PEMT: variants seen among roughly 807,000 people sequenced by gnomAD.
The protein encoded by PEMT is phosphatidylethanolamine N-methyltransferase, also known as phospholipid methyltransferase.
In PEMT, 23 loss-of-function variants were observed where a neutral mutation model predicts 27.4. That is an observed-to-expected ratio of 0.84 (90% CI 0.60 to 1.19). PEMT has a LOEUF of 1.19. Ranked by LOEUF, PEMT falls within the 50% of genes most tolerant of loss-of-function variation. The pLI, the probability that PEMT is intolerant of heterozygous loss-of-function variation, is 0.00. For synonymous variants in PEMT, 137 were observed against 139.1 expected, an observed-to-expected ratio of 0.98 and a Z score of 0.11; for missense variants, 307 against 310.1, an observed-to-expected ratio of 0.99 and a Z score of 0.07.
chr17:17,507,187 C>A, intron 5 of PEMT: 1 of 1,559,392 alleles, frequency 6.4e-7, no homozygotes, highest in Non-Finnish European at 8.7e-7. Context: ...CCACAGCTCC[C>A]GCAGGTGCTG....
chr17:17,579,646 C>T lies in PEMT; in HGVS notation c.97-2619G>A, dbSNP rs573105290. Among the ~76,000 whole-genome samples, 220 of 152,304 alleles carry T rather than the reference C, an allele frequency of 1.4e-3. 1 individual carries two copies. Among genetic ancestry groups the T allele is most frequent in the Middle Eastern group, 6.8e-3 (2 of 294 alleles). Reference sequence around the variant, plus strand: ...TGAGCCAAGATGCGCCACTGCACTCCACTGGGTGACAGAGCAACACTTCAT... The same window carrying T: ...TGAGCCAAGATGCGCCACTGCACTCTACTGGGTGACAGAGCAACACTTCAT... On this transcript the variant is annotated intron_variant, in intron 1 of 6. Coordinates refer to ENST00000255389, the MANE Select transcript of PEMT (RefSeq NM_148172.3).
At chr17:17,527,653 C>T (rs1025735840) in intron 2 of PEMT, among the ~76,000 whole-genome samples, 1 of 152,238 alleles carries the variant, frequency 6.6e-6, no homozygotes, top group Non-Finnish European at 1.5e-5. Flanking sequence ...CACATGGGCG[C>T]ATGGCGGTGC....
chr17:17,542,004 G>A (rs1415216303), intron 2 of PEMT, among the ~76,000 whole-genome samples: 1 of 152,074 alleles, frequency 6.6e-6, no homozygotes, highest in Non-Finnish European at 1.5e-5. Context: ...TTTTTGAGAT[G>A]CAGTCTTGCT....
intron 1 of PEMT, among the ~76,000 whole-genome samples, chr17:17,577,904 C>G (rs1911727612): frequency 6.6e-6 from 1 of 151,658 alleles, no homozygotes; most frequent in South Asian, 2.1e-4. Context: ...GTAGTCCCAG[C>G]TACTCAGGAG....
intron 1 of PEMT, among the ~76,000 whole-genome samples, chr17:17,588,366 G>A (rs934807695): frequency 3.3e-5 from 5 of 152,088 alleles, no homozygotes; most frequent in African/African-American, 4.8e-5. Context: ...ATCGGCCATC[G>A]GAGCTTTGCC....
At chr17:17,559,747 A>G (rs1910337387) in intron 2 of PEMT, among the ~76,000 whole-genome samples, 1 of 152,192 alleles carries the variant, frequency 6.6e-6, no homozygotes, top group South Asian at 2.1e-4. Flanking sequence ...ATGGCAACAG[A>G]AGTGTGGGGG....
At chr17:17,511,102 G>A (rs1002375120) in intron 4 of PEMT, among the ~76,000 whole-genome samples, 2 of 152,142 alleles carry the variant, frequency 1.3e-5, no homozygotes, top group Non-Finnish European at 2.9e-5. Flanking sequence ...TCAAGGCCTC[G>A]GCTCATCCTC....
chr17:17,589,252 G>A (rs902014529), intron 1 of PEMT, among the ~76,000 whole-genome samples: 3 of 150,924 alleles, frequency 2.0e-5, no homozygotes, highest in South Asian at 2.1e-4. Context: ...GTGAGCCACC[G>A]TGCCCAGCCC....
intron 2 of PEMT, among the ~76,000 whole-genome samples, chr17:17,574,846 T>C (rs139797509): frequency 7.9e-5 from 12 of 152,284 alleles, no homozygotes; most frequent in Admixed American, 7.8e-4. Flanking sequence ...ACGTCAGGCC[T>C]GCAGGAAGCC....
chr17:17,561,605 A>C lies in PEMT; in HGVS notation c.204+15315T>G, dbSNP rs980835308. On this transcript the variant is annotated intron_variant, in intron 2 of 6. Transcript: ENST00000255389. The surrounding 1 kb of genome is among the most constrained non-coding windows in gnomAD (Gnocchi z 4.5). The stretch of plus-strand genomic sequence containing the variant: ...TCCAGGCACCATCCCGGCCCTTGCA[A>C]CAGTGAGCCAGGCAGCTGTGCCTGG... Among the ~76,000 whole-genome samples the C allele has an allele frequency of 6.6e-6, 1 of 152,244 alleles. No homozygotes were observed. Among genetic ancestry groups the C allele is most frequent in the East Asian group, 1.9e-4 (1 of 5,190 alleles).
chr17:17,574,002 C>T (rs561467789), intron 2 of PEMT, among the ~76,000 whole-genome samples: 36 of 152,084 alleles, frequency 2.4e-4, no homozygotes, highest in African/African-American at 8.4e-4. Context: ...GGATGGTCTC[C>T]AACTCCTTGG....
chr17:17,520,448 C>T (rs1292264923), intron 3 of PEMT, among the ~76,000 whole-genome samples: 1 of 152,238 alleles, frequency 6.6e-6, no homozygotes, highest in Non-Finnish European at 1.5e-5. Context: ...GCTTCATGAG[C>T]TGTAAAACCT....
Position 17,513,811 on chromosome 17 carries a change from G to A in PEMT, c.321-1157C>T, listed in dbSNP as rs980926598. ...TGCTAGATGAGAGGCACACTCACAG[G>A]AAAGGCTGTGTGTGGGAGCACGGAC... On this transcript the variant is annotated intron_variant, in intron 3 of 6. Coordinates refer to ENST00000255389, the MANE Select transcript of PEMT (RefSeq NM_148172.3). This position sits in a 1 kb window ranked among gnomAD's most constrained non-coding sequence, Gnocchi z 4.1. Among the ~76,000 whole-genome samples, 5 of 152,132 alleles carry A rather than the reference G, an allele frequency of 3.3e-5. No homozygotes were observed. Among genetic ancestry groups the A allele is most frequent in the Non-Finnish European group, 7.4e-5 (5 of 68,020 alleles).
At chr17:17,577,377 A>C in intron 1 of PEMT, 2 of 785,760 alleles carry the variant, frequency 2.5e-6, no homozygotes, top group Non-Finnish European at 3.3e-6. Context: ...AGGAAACCCA[A>C]GCAGCTGAGA....
intron 2 of PEMT, among the ~76,000 whole-genome samples, chr17:17,538,217 T>C (rs760266824): frequency 1.3e-5 from 2 of 152,196 alleles, no homozygotes; most frequent in East Asian, 3.9e-4. Flanking sequence ...GGGAGGTCAC[T>C]CCATCAATAC....
In PEMT at chr17:17,542,212, C is replaced by T. The variant is rs541311065; in HGVS notation, c.205-19817G>A. 6.8e-4 allele frequency among the ~76,000 whole-genome samples: 96 copies of T among 141,126 alleles called. 1 individual carries two copies. The highest frequency in any genetic ancestry group is 2.0e-3 in the South Asian group (9 of 4,540). 92.6% of individuals were successfully genotyped at this position (141,126 alleles called of 152,430 possible). A position where few individuals can be genotyped will look rare whatever the true frequency, so the allele number is the denominator to read the frequency against. ...GCCAGGCTGGTCTCAAACTCCTGAC[C>T]TCAGGTGATCTACCCGCCTCAGCCT... On this transcript the variant is annotated intron_variant, in intron 2 of 6. Transcript: ENST00000255389.
intron 2 of PEMT, among the ~76,000 whole-genome samples, chr17:17,527,015 G>A (rs1907717566): frequency 6.6e-6 from 1 of 152,132 alleles, no homozygotes; most frequent in Non-Finnish European, 1.5e-5. Context: ...CTTGAAGTGA[G>A]GCCGCAGAAA....
intron 2 of PEMT, among the ~76,000 whole-genome samples, chr17:17,552,556 G>T (rs1909735459): frequency 6.6e-6 from 1 of 152,224 alleles, no homozygotes; most frequent in Admixed American, 6.5e-5. Flanking sequence ...CATCAGGGCG[G>T]TGGGGAGTCC....
intron 2 of PEMT, among the ~76,000 whole-genome samples, chr17:17,527,543 G>C (rs1243501754): frequency 6.6e-6 from 1 of 151,588 alleles, no homozygotes; most frequent in Non-Finnish European, 1.5e-5. Flanking sequence ...TTCCTGATCT[G>C]TAAAATGGAG....
Sources: allele counts gnomAD v4.1 joint callset (sites outside exome capture counted in the v4.1 genomes callset), GRCh38; gene constraint gnomAD v4.1.1; non-coding constraint Gnocchi (gnomAD v3.1); transcripts MANE v1.5; gene names NCBI Gene and HGNC (gene_info 2026-07-23, HGNC 2026-07-21).